PFDN2: variants seen among roughly 807,000 people sequenced by gnomAD.
The protein encoded by PFDN2 is prefoldin 2.
A neutral mutation model predicts 18.3 loss-of-function variants in PFDN2; 7 were observed. The observed-to-expected ratio is 0.38, with a 90% CI of 0.22 to 0.72. The LOEUF (loss-of-function observed/expected upper bound fraction) is 0.72, where lower values mean the gene tolerates loss of function less well. Among genes scored for constraint, PFDN2 ranks in the 30% least tolerant of loss-of-function variants. The pLI, the probability that PFDN2 is intolerant of heterozygous loss-of-function variation, is 0.47. For missense variants in PFDN2, 181 were observed against 199.1 expected, an observed-to-expected ratio of 0.91 and a Z score of 0.55; for synonymous variants, 76 against 75.0, an observed-to-expected ratio of 1.01 and a Z score of -0.07.
intron 1 of PFDN2, among the ~76,000 whole-genome samples, chr1:161,108,829 A>T (rs1654742402): frequency 6.6e-6 from 1 of 152,078 alleles, no homozygotes; most frequent in African/African-American, 2.4e-5. Context: ...TGTTACTTTA[A>T]TAATTTTTAG....
At chr1:161,113,228 C>T (rs1356805868) in intron 1 of PFDN2, among the ~76,000 whole-genome samples, 1 of 152,156 alleles carries the variant, frequency 6.6e-6, no homozygotes, top group African/African-American at 2.4e-5. Flanking sequence ...AACTACTCTC[C>T]TCTTATCATA....
At chr1:161,103,594 G>A (rs1210008672) in intron 1 of PFDN2, among the ~76,000 whole-genome samples, 4 of 148,286 alleles carry the variant, frequency 2.7e-5, no homozygotes, top group Admixed American at 2.1e-4. Context: ...CAGAGGCAGG[G>A]GAATTGCTTG....
intron 1 of PFDN2, among the ~76,000 whole-genome samples, chr1:161,104,771 A>G (rs536376565): frequency 2.0e-5 from 3 of 152,184 alleles, no homozygotes; most frequent in South Asian, 2.1e-4. Context: ...GATCACATAC[A>G]GCAAATATTA....
intron 1 of PFDN2, among the ~76,000 whole-genome samples, chr1:161,105,871 TGTTGA>T (rs750027273): frequency 1.1e-4 from 16 of 152,316 alleles, no homozygotes; most frequent in South Asian, 4.1e-4. Flanking sequence ...TACTTAAACA[TGTTGA>T]GTTATCTACA....
At chr1:161,104,949 T>C (rs1194661789) in intron 1 of PFDN2, among the ~76,000 whole-genome samples, 1 of 152,196 alleles carries the variant, frequency 6.6e-6, no homozygotes, top group East Asian at 1.9e-4. Context: ...GCCTTGGAAA[T>C]CTAACTTATC....
intron 1 of PFDN2, among the ~76,000 whole-genome samples, chr1:161,116,419 C>T (rs896148554): frequency 6.6e-6 from 1 of 151,706 alleles, no homozygotes. Flanking sequence ...GAGGCTGAGG[C>T]ACCAGAATCT....
intron 1 of PFDN2, among the ~76,000 whole-genome samples, chr1:161,111,468 T>G (rs1038286258): frequency 6.6e-6 from 1 of 152,226 alleles, no homozygotes; most frequent in East Asian, 1.9e-4. Flanking sequence ...CATTATAGGA[T>G]GTTTAACAAA....
chr1:161,102,350 C>T lies in PFDN2; in HGVS notation c.101G>A (p.Arg34Gln), dbSNP rs768698590. The T allele has an allele frequency of 5.0e-6, 8 of 1,614,112 alleles. No individual in the cohort carries two copies. The highest frequency in any genetic ancestry group is 6.8e-6 in the Non-Finnish European group (8 of 1,179,994). Residue 34 changes from arginine (R) to glutamine (Q), a missense_variant, in exon 2 of 4, where the codon CGG (arginine) becomes CAG (glutamine). Physicochemically the swap from Arg to Gln is conservative, Grantham distance 43. Transcript: ENST00000368010. ...GGATGCCAGGCCTCGCTGTTCCTGC[C>T]GAAGGCGGTTGAAGCCAGCAATCAC... ...EQVIAGFNRL[R>Q]QEQRGLASKA...
At chr1:161,104,365 C>T (rs932468690) in intron 1 of PFDN2, among the ~76,000 whole-genome samples, 2 of 152,018 alleles carry the variant, frequency 1.3e-5, no homozygotes, top group African/African-American at 4.8e-5. Context: ...TCCAGTCACA[C>T]AGCCAGAAAC....
At chr1:161,101,000 C>G in intron 3 of PFDN2, 141 bp from the exon 4 acceptor site, 2 of 594,182 alleles carry the variant, frequency 3.4e-6, no homozygotes, top group Non-Finnish European at 3.0e-6. Flanking sequence ...AAAATTATTC[C>G]TTTCTTGAAC....
intron 1 of PFDN2, among the ~76,000 whole-genome samples, chr1:161,116,538 G>A (rs1654930188): frequency 2.0e-5 from 3 of 152,078 alleles, no homozygotes; most frequent in Admixed American, 2.0e-4. Flanking sequence ...AAAAGCATTA[G>A]GTTCCTTTTC....
chr1:161,114,524 G>T, intron 1 of PFDN2, among the ~76,000 whole-genome samples: 1 of 152,072 alleles, frequency 6.6e-6, no homozygotes, highest in East Asian at 1.9e-4. Flanking sequence ...TCATCCTTTA[G>T]AATTGAGCTG....
intron 1 of PFDN2, among the ~76,000 whole-genome samples, chr1:161,114,307 T>C (rs1654864449): frequency 6.6e-6 from 1 of 152,244 alleles, no homozygotes; most frequent in South Asian, 2.1e-4. Context: ...GGCACCATTA[T>C]CCACCAAAGA....
At chr1:161,106,458 T>C (rs1227496136) in intron 1 of PFDN2, among the ~76,000 whole-genome samples, 2 of 152,104 alleles carry the variant, frequency 1.3e-5, no homozygotes, top group Non-Finnish European at 2.9e-5. Context: ...TTCCCACATT[T>C]TTCCTTTTAA....
At chr1:161,111,156 C>G (rs1654800601) in intron 1 of PFDN2, among the ~76,000 whole-genome samples, 1 of 151,684 alleles carries the variant, frequency 6.6e-6, no homozygotes, top group Non-Finnish European at 1.5e-5. Flanking sequence ...GGGGGTCTTA[C>G]TATGTTGCCC....
At chr1:161,102,456 T>C in intron 1 of PFDN2, 81 bp from the exon 2 acceptor site, 1 of 1,090,028 alleles carries the variant, frequency 9.2e-7, no homozygotes, top group East Asian at 2.4e-5. Context: ...TGGCAGGCTT[T>C]ACAAAGGTGC....
In PFDN2 at chr1:161,117,224, C is replaced by T. The variant is rs577883488; in HGVS notation, c.75+728G>A. ...ATGCACTCCAGCCTGGGCGACAGAG[C>T]GAGACTCCGTCTCAAAAAAAAACGA... On this transcript the variant is annotated intron_variant, in intron 1 of 3. Transcript: ENST00000368010. 4.6e-5 allele frequency among the ~76,000 whole-genome samples: 7 copies of T among 152,194 alleles called. No homozygotes were observed. In the East Asian group the frequency reaches 1.2e-3, roughly 25 times the overall value.
chr1:161,111,752 T>A (rs1654813820), intron 1 of PFDN2, among the ~76,000 whole-genome samples: 1 of 152,196 alleles, frequency 6.6e-6, no homozygotes. Context: ...CCTCTTTCAC[T>A]CCCACAATGG....
chr1:161,106,577 G>A (rs1474369304), intron 1 of PFDN2, among the ~76,000 whole-genome samples: 1 of 152,108 alleles, frequency 6.6e-6, no homozygotes, highest in Non-Finnish European at 1.5e-5. Flanking sequence ...ACACATCAGT[G>A]TTGCGTCTCT....
Sources: allele counts gnomAD v4.1 joint callset (sites outside exome capture counted in the v4.1 genomes callset), GRCh38; gene constraint gnomAD v4.1.1; transcripts MANE v1.5; gene names NCBI Gene and HGNC (gene_info 2026-07-23, HGNC 2026-07-21).